CLYBL: variants seen among roughly 807,000 people sequenced by gnomAD.
CLYBL encodes citramalyl-CoA lyase.
Under a neutral mutation model 38.9 loss-of-function variants are expected in CLYBL, and 31 were observed. That is an observed-to-expected ratio of 0.80 (90% CI 0.60 to 1.08). The LOEUF is 1.08. Among genes scored for constraint, CLYBL ranks in the 50% least tolerant of loss-of-function variants. The probability of loss-of-function intolerance (pLI) is 0.00; values close to 1 mark genes in which losing one functional copy is unlikely to be tolerated. For missense variants in CLYBL, 434 were observed against 411.6 expected, an observed-to-expected ratio of 1.05 and a Z score of -0.47; for synonymous variants, 171 against 158.6, an observed-to-expected ratio of 1.08 and a Z score of -0.59.
chr13:99,829,503 T>C (rs1784405842), intron 2 of CLYBL, among the ~76,000 whole-genome samples: 1 of 152,214 alleles, frequency 6.6e-6, no homozygotes, highest in Non-Finnish European at 1.5e-5. Flanking sequence ...CTTTATTTTA[T>C]GGGCAATGAT....
intron 8 of CLYBL, among the ~76,000 whole-genome samples, chr13:99,905,011 A>G (rs1214081088): frequency 7.1e-6 from 1 of 139,980 alleles, no homozygotes; most frequent in African/African-American, 2.7e-5. Flanking sequence ...GCTCCCCCAC[A>G]TCTGCCTCCT....
chr13:99,609,031 C>T (rs1566587133), intron 1 of CLYBL, among the ~76,000 whole-genome samples: 1 of 151,278 alleles, frequency 6.6e-6, no homozygotes, highest in African/African-American at 2.4e-5. Context: ...AAAAAGTCTA[C>T]TCTCTTATCT....
intron 2 of CLYBL, among the ~76,000 whole-genome samples, chr13:99,846,474 A>G (rs1477560203): frequency 6.6e-6 from 1 of 152,184 alleles, no homozygotes; most frequent in African/African-American, 2.4e-5. Flanking sequence ...ACGTACCTGC[A>G]GGAAGTATTT....
intron 2 of CLYBL, among the ~76,000 whole-genome samples, chr13:99,843,990 C>T (rs1477580909): frequency 6.6e-6 from 1 of 152,174 alleles, no homozygotes; most frequent in Non-Finnish European, 1.5e-5. Context: ...CGGATCATGT[C>T]GAGCATAAAC....
chr13:99,693,463 G>A (rs951290881), intron 1 of CLYBL, among the ~76,000 whole-genome samples: 2 of 152,076 alleles, frequency 1.3e-5, no homozygotes, highest in African/African-American at 4.8e-5. Flanking sequence ...TATCCATCAA[G>A]CCTTCCAGCT....
chr13:99,709,912 T>TTCC (rs2048201860), intron 1 of CLYBL, among the ~76,000 whole-genome samples: 1 of 134,568 alleles, frequency 7.4e-6, no homozygotes, highest in African/African-American at 2.8e-5. Context: ...CTTTTTTTTT[T>TTCC]TTCTTTCTTT....
At chr13:99,670,779 T>C (rs1446523472) in intron 1 of CLYBL, among the ~76,000 whole-genome samples, 2 of 152,224 alleles carry the variant, frequency 1.3e-5, no homozygotes, top group Non-Finnish European at 2.9e-5. Flanking sequence ...ATGGGAGGTC[T>C]CTGCTCATTG....
intron 2 of CLYBL, among the ~76,000 whole-genome samples, chr13:99,808,255 T>G (rs1363023360): frequency 6.6e-6 from 1 of 152,098 alleles, no homozygotes; most frequent in Non-Finnish European, 1.5e-5. Flanking sequence ...CAGGCTCATT[T>G]TTTGCATTTT....
intron 3 of CLYBL, among the ~76,000 whole-genome samples, chr13:99,861,913 G>A (rs1472053917): frequency 6.6e-6 from 1 of 152,180 alleles, no homozygotes; most frequent in East Asian, 1.9e-4. Context: ...AGAATATTAT[G>A]CTAAGCCTTA....
At chr13:99,621,432 G>A (rs770802471) in intron 1 of CLYBL, among the ~76,000 whole-genome samples, 6 of 152,090 alleles carry the variant, frequency 3.9e-5, no homozygotes, top group Non-Finnish European at 5.9e-5. Flanking sequence ...TCGTCCCTGA[G>A]AGCCCTAACC....
At chr13:99,764,987 C>A (rs1043508270) in intron 1 of CLYBL, among the ~76,000 whole-genome samples, 2 of 152,064 alleles carry the variant, frequency 1.3e-5, no homozygotes, top group Non-Finnish European at 2.9e-5. Flanking sequence ...CCATGCCCAA[C>A]CCTTGTATTT....
At chr13:99,749,377 G>A (rs1488032325) in intron 1 of CLYBL, among the ~76,000 whole-genome samples, 2 of 152,060 alleles carry the variant, frequency 1.3e-5, no homozygotes, top group Non-Finnish European at 2.9e-5. Context: ...TCCTTTATCT[G>A]ATGTCCAACC....
intron 1 of CLYBL, among the ~76,000 whole-genome samples, chr13:99,657,162 C>G (rs2047341718): frequency 6.6e-6 from 1 of 152,320 alleles, no homozygotes; most frequent in South Asian, 2.1e-4. Context: ...TAAGGTTAAC[C>G]TGTATACTGC....
chr13:99,841,047 C>T (rs1386536467), intron 2 of CLYBL, among the ~76,000 whole-genome samples: 1 of 152,086 alleles, frequency 6.6e-6, no homozygotes, highest in African/African-American at 2.4e-5. Context: ...AGTAAAGGAC[C>T]ATCTGCAACC....
intron 2 of CLYBL, among the ~76,000 whole-genome samples, chr13:99,778,559 G>T (rs1213147388): frequency 6.6e-6 from 1 of 152,106 alleles, no homozygotes; most frequent in Non-Finnish European, 1.5e-5. Flanking sequence ...ATACCTTCCA[G>T]CAGGCTCTAA....
At chr13:99,681,689 C>T (rs768299713) in intron 1 of CLYBL, among the ~76,000 whole-genome samples, 14 of 151,990 alleles carry the variant, frequency 9.2e-5, no homozygotes, top group East Asian at 1.9e-4. Context: ...CGGGTTCAAG[C>T]GATTCTCCTG....
At chr13:99,780,880 A>G (rs958475040) in intron 2 of CLYBL, among the ~76,000 whole-genome samples, 1 of 150,098 alleles carries the variant, frequency 6.7e-6, no homozygotes, top group African/African-American at 2.5e-5. Context: ...CACCTGGCTC[A>G]TTTTTGTATT....
At chr13:99,822,285 C>T (rs1055920925) in intron 2 of CLYBL, among the ~76,000 whole-genome samples, 1 of 152,146 alleles carries the variant, frequency 6.6e-6, no homozygotes, top group African/African-American at 2.4e-5. Context: ...GTAGGCATAC[C>T]ATCAAGTCCA....
intron 1 of CLYBL, among the ~76,000 whole-genome samples, chr13:99,613,790 T>C (rs753200239): frequency 6.6e-5 from 10 of 152,202 alleles, no homozygotes; most frequent in Non-Finnish European, 1.5e-4. Context: ...AAGGCCAATG[T>C]GAAGTGTTAG....
Sources: allele counts gnomAD v4.1 joint callset (sites outside exome capture counted in the v4.1 genomes callset), GRCh38; gene constraint gnomAD v4.1.1; transcripts MANE v1.5; gene names NCBI Gene and HGNC (gene_info 2026-07-23, HGNC 2026-07-21).